Variants in SLCO1A2 observed in about 807,000 individuals in gnomAD.
The protein encoded by SLCO1A2 is OATP-1.
In SLCO1A2, 67 loss-of-function variants were observed where a neutral mutation model predicts 69.0. The ratio of observed to expected loss-of-function variants is 0.97; its 90% confidence interval spans 0.80 to 1.19. The LOEUF (loss-of-function observed/expected upper bound fraction) is 1.19, where lower values mean the gene tolerates loss of function less well. SLCO1A2 is among the 50% of genes most tolerant of loss of function. The pLI, the probability that SLCO1A2 is intolerant of heterozygous loss-of-function variation, is 0.00. For missense variants in SLCO1A2, 787 were observed against 793.7 expected (o/e 0.99, Z 0.10); for synonymous variants, 260 against 265.9 (o/e 0.98, Z 0.22).
At position 21,294,145 on chromosome 12, in the gene SLCO1A2, A is replaced by G. The variant is rs372525084; in HGVS notation, c.1272-35T>C. ...TTTAAAATAATGCCATAGATATTAA[A>G]AGAGGATTCAATCCTTTTTTTCTTC... On this transcript the variant is annotated intron_variant, in intron 10 of 14. Transcript: ENST00000683939. 62 of 1,449,450 alleles carry G rather than the reference A, an allele frequency of 4.3e-5. No homozygotes were observed. In the East Asian group the frequency reaches 1.4e-3, roughly 32 times the overall value. 89.8% of individuals were successfully genotyped at this position (1,449,450 alleles called of 1,614,324 possible).
chr12:21,376,560 G>A (rs751665989), intron 1 of SLCO1A2, among the ~76,000 whole-genome samples: 3 of 151,940 alleles, frequency 2.0e-5, no homozygotes, highest in Admixed American at 6.6e-5. Context: ...CAGATAATTT[G>A]TTCAAACATT....
At chr12:21,373,710 A>G in intron 2 of SLCO1A2, 1 of 701,702 alleles carries the variant, frequency 1.4e-6, no homozygotes, top group Non-Finnish European at 2.6e-6. Context: ...AAGCCAGAAC[A>G]TGAAGCGGGA....
At chr12:21,296,391 A>C (rs7965059) in intron 9 of SLCO1A2, among the ~76,000 whole-genome samples, 30,291 of 151,954 alleles carry the variant, frequency 0.2, 4,182 homozygotes, top group African/African-American at 0.39. Flanking sequence ...CAGGTGCACA[A>C]CACCACACCT....
chr12:21,319,289 A>G, intron 2 of SLCO1A2: 2 of 1,284,862 alleles, frequency 1.6e-6, no homozygotes, highest in South Asian at 2.3e-5. Context: ...ATGAAAAGAA[A>G]GAATGCAGAA....
At chr12:21,410,742 T>C (rs944685864) in intron 1 of SLCO1A2, among the ~76,000 whole-genome samples, 1 of 152,220 alleles carries the variant, frequency 6.6e-6, no homozygotes, top group East Asian at 1.9e-4. Context: ...GTTATTTAAA[T>C]ATACTGATAT....
intron 2 of SLCO1A2, chr12:21,373,667 T>A: frequency 1.4e-6 from 1 of 701,388 alleles, no homozygotes. Flanking sequence ...TCCAGTTTTG[T>A]CAAGAAATAT....
intron 1 of SLCO1A2, among the ~76,000 whole-genome samples, chr12:21,417,462 C>T (rs748784558): frequency 3.9e-4 from 57 of 145,560 alleles, no homozygotes; most frequent in South Asian, 1.1e-3. Context: ...AGCAGAAGGC[C>T]GTTACTTAGA....
At chr12:21,368,154 T>C (rs1301792690) in intron 2 of SLCO1A2, among the ~76,000 whole-genome samples, 1 of 152,078 alleles carries the variant, frequency 6.6e-6, no homozygotes, top group African/African-American at 2.4e-5. Flanking sequence ...ATGTACCCCT[T>C]GATATAATGC....
At chr12:21,294,862 A>G (rs1262844280) in intron 10 of SLCO1A2, 6 of 152,190 alleles carry the variant, frequency 3.9e-5, no homozygotes, top group Non-Finnish European at 5.9e-5. Context: ...TGAGTCTCAA[A>G]TCAAATAGCA....
chr12:21,328,091 A>C (rs978353514), intron 2 of SLCO1A2, among the ~76,000 whole-genome samples: 1 of 152,142 alleles, frequency 6.6e-6, no homozygotes, highest in Non-Finnish European at 1.5e-5. Context: ...TCCCCTGCAC[A>C]TGCTCTCTTG....
At chr12:21,310,804 C>T (rs926297428) in intron 4 of SLCO1A2, among the ~76,000 whole-genome samples, 4 of 152,096 alleles carry the variant, frequency 2.6e-5, no homozygotes, top group African/African-American at 7.2e-5. Context: ...GGGGTTTCAC[C>T]GTGTTAGCCA....
At chr12:21,316,475 C>T (rs1317337866) in intron 3 of SLCO1A2, among the ~76,000 whole-genome samples, 1 of 152,014 alleles carries the variant, frequency 6.6e-6, no homozygotes, top group Non-Finnish European at 1.5e-5. Context: ...TCAGTTATCT[C>T]CATATTATGA....
intron 12 of SLCO1A2, among the ~76,000 whole-genome samples, chr12:21,288,964 T>TATACA (rs1946398586): frequency 6.6e-6 from 1 of 151,852 alleles, no homozygotes; most frequent in East Asian, 1.9e-4. Flanking sequence ...GATACACATA[T>TATACA]ATACATATAC....
upstream of SLCO1A2, among the ~76,000 whole-genome samples, chr12:21,335,823 C>T (rs751893151): frequency 3.9e-5 from 6 of 152,144 alleles, no homozygotes; most frequent in Non-Finnish European, 8.8e-5. Flanking sequence ...ACTTATTGAA[C>T]ATCTACTCTG....
chr12:21,325,453 A>G (rs1275912569), intron 2 of SLCO1A2, among the ~76,000 whole-genome samples: 1 of 152,050 alleles, frequency 6.6e-6, no homozygotes, highest in African/African-American at 2.4e-5. Context: ...TCTGGTGAAA[A>G]ATGATTTGAG....
At chr12:21,376,547 GC>G (rs1940206712) in intron 1 of SLCO1A2, among the ~76,000 whole-genome samples, 1 of 151,938 alleles carries the variant, frequency 6.6e-6, no homozygotes. Context: ...GGTTTTCTTT[GC>G]CCAGATAATT....
intron 14 of SLCO1A2, among the ~76,000 whole-genome samples, chr12:21,271,537 T>C (rs1942838358): frequency 2.0e-5 from 3 of 151,114 alleles, no homozygotes; most frequent in Admixed American, 2.0e-4. Context: ...ATTTCATTGT[T>C]CTTTTTCTAA....
chr12:21,350,835 C>CAAAAAAAAAA (rs11454466), intron 2 of SLCO1A2, among the ~76,000 whole-genome samples: 5 of 40,730 alleles, frequency 1.2e-4, no homozygotes, highest in African/African-American at 3.0e-4. Context: ...GACTCTGTCT[C>CAAAAAAAAAA]AAAAAAAAAA....
At chr12:21,410,160 A>G (rs767015918) in intron 1 of SLCO1A2, among the ~76,000 whole-genome samples, 3 of 152,146 alleles carry the variant, frequency 2.0e-5, no homozygotes, top group East Asian at 1.9e-4. Context: ...CCCACCACCT[A>G]TCTCCTCCAG....
Sources: allele counts gnomAD v4.1 joint callset (sites outside exome capture counted in the v4.1 genomes callset), GRCh38; gene constraint gnomAD v4.1.1; transcripts MANE v1.5; gene names NCBI Gene and HGNC (gene_info 2026-07-23, HGNC 2026-07-21).